The following PRKD1 variants were observed in gnomAD, a reference collection of about 807,000 sequenced individuals.
The protein encoded by PRKD1 is serine/threonine-protein kinase D1.
Under a neutral mutation model 95.9 loss-of-function variants are expected in PRKD1, and 63 were observed. The observed-to-expected ratio is 0.66, with a 90% confidence interval of 0.54 to 0.81. The LOEUF (loss-of-function observed/expected upper bound fraction) is 0.81, where lower values mean the gene tolerates loss of function less well. Among genes scored for constraint, PRKD1 ranks in the 30% least tolerant of loss-of-function variants. PRKD1 has a pLI of 0.00. For missense variants in PRKD1, 1,048 were observed against 1,165.3 expected (o/e 0.90, Z 1.47); for synonymous variants, 425 against 423.1 (o/e 1.00, Z -0.05).
intron 1 of PRKD1, among the ~76,000 whole-genome samples, chr14:29,852,216 T>C (rs560578966): frequency 1.1e-3 from 163 of 152,220 alleles, no homozygotes; most frequent in African/African-American, 3.7e-3. Flanking sequence ...CTGCATATTA[T>C]ACCCCTTGAA....
At chr14:29,917,247 A>C (rs544592421) in intron 1 of PRKD1, among the ~76,000 whole-genome samples, 20 of 152,298 alleles carry the variant, frequency 1.3e-4, no homozygotes, top group African/African-American at 4.6e-4. Flanking sequence ...ATCATCCTGT[A>C]ATTATTATGT....
intron 1 of PRKD1, among the ~76,000 whole-genome samples, chr14:29,762,314 G>A (rs1168646853): frequency 6.6e-6 from 1 of 151,998 alleles, no homozygotes; most frequent in East Asian, 1.9e-4. Flanking sequence ...ATAGACTCTT[G>A]AACTCCACTC....
chr14:29,722,683 T>C (rs1885953611), intron 2 of PRKD1, among the ~76,000 whole-genome samples: 3 of 152,096 alleles, frequency 2.0e-5, no homozygotes, highest in South Asian at 2.1e-4. Flanking sequence ...CAGGTGAAAG[T>C]TGGATCTGCA....
chr14:29,875,418 G>C (rs922440791), intron 1 of PRKD1, among the ~76,000 whole-genome samples: 7 of 152,168 alleles, frequency 4.6e-5, no homozygotes, highest in African/African-American at 1.7e-4. Flanking sequence ...TGTGGACAAA[G>C]ACTAGGAATG....
intron 1 of PRKD1, among the ~76,000 whole-genome samples, chr14:29,813,826 C>G (rs1890587866): frequency 6.6e-6 from 1 of 152,126 alleles, no homozygotes; most frequent in Admixed American, 6.5e-5. Flanking sequence ...ATGTTCATAG[C>G]CAAGATCAAC....
chr14:29,633,232 ACAT>A (rs1480721435), intron 8 of PRKD1, among the ~76,000 whole-genome samples: 2 of 152,160 alleles, frequency 1.3e-5, no homozygotes, highest in Non-Finnish European at 2.9e-5. Flanking sequence ...TAAACAGAAA[ACAT>A]CATTTTTAAG....
rs1164039858 is a variant in PRKD1 at position 29,733,666 on chromosome 14, A to C, written c.265-7992T>G. Among the ~76,000 whole-genome samples the C allele has an allele frequency of 3.3e-5, 5 of 152,042 alleles. 1 individual carries two copies. Among genetic ancestry groups the C allele is most frequent in the Admixed American group, 3.3e-4 (5 of 15,262 alleles). On this transcript the variant is annotated intron_variant, in intron 1 of 17. Transcript: ENST00000331968. Reference sequence around the variant, plus strand: ...GGAAGAACCTTTATAAAATCATTAGATCTCATAAGAACTCACTATCATGAG... The same window carrying C: ...GGAAGAACCTTTATAAAATCATTAGCTCTCATAAGAACTCACTATCATGAG...
chr14:29,922,808 C>T (rs191782036), intron 1 of PRKD1, among the ~76,000 whole-genome samples: 1 of 152,256 alleles, frequency 6.6e-6, no homozygotes, highest in African/African-American at 2.4e-5. Context: ...ATCACATTAG[C>T]CAAGACTTTG....
At chr14:29,860,389 T>C (rs7153757) in intron 1 of PRKD1, among the ~76,000 whole-genome samples, 8 of 152,312 alleles carry the variant, frequency 5.3e-5, no homozygotes, top group African/African-American at 1.7e-4. Context: ...CTCTTCTTAA[T>C]GTAAGGCAAG....
chr14:29,636,524 A>G, intron 6 of PRKD1, 30 bp from the exon 7 acceptor site: 1 of 1,611,650 alleles, frequency 6.2e-7, no homozygotes, highest in Admixed American at 1.7e-5. Context: ...CATGAAGATA[A>G]GCCTGGAATC....
At chr14:29,787,622 T>C (rs868560864) in intron 1 of PRKD1, among the ~76,000 whole-genome samples, 37 of 152,252 alleles carry the variant, frequency 2.4e-4, no homozygotes, top group Admixed American at 1.3e-4. Flanking sequence ...ACTTAAAGGC[T>C]ATTTGGTATA....
At chr14:29,651,938 G>A (rs778312915) in intron 4 of PRKD1, among the ~76,000 whole-genome samples, 22 of 152,032 alleles carry the variant, frequency 1.4e-4, no homozygotes, top group Non-Finnish European at 2.8e-4. Context: ...TAGAGATGGG[G>A]TTTCACCACG....
intron 2 of PRKD1, among the ~76,000 whole-genome samples, chr14:29,676,782 T>C (rs1169224507): frequency 6.6e-6 from 1 of 152,190 alleles, no homozygotes; most frequent in African/African-American, 2.4e-5. Context: ...GAGTAGGACA[T>C]GGACTGTAGA....
chr14:29,748,159 C>T, intron 1 of PRKD1, among the ~76,000 whole-genome samples: 1 of 152,072 alleles, frequency 6.6e-6, no homozygotes, highest in Non-Finnish European at 1.5e-5. Context: ...AATATTTTCC[C>T]AATAGAAAAT....
At chr14:29,740,240 A>G (rs773207246) in intron 1 of PRKD1, among the ~76,000 whole-genome samples, 8 of 152,318 alleles carry the variant, frequency 5.3e-5, no homozygotes, top group African/African-American at 1.2e-4. Context: ...AACTGTCACT[A>G]TAGCACAATG....
intron 4 of PRKD1, among the ~76,000 whole-genome samples, chr14:29,642,533 G>A (rs1416056504): frequency 6.6e-6 from 1 of 152,134 alleles, no homozygotes; most frequent in African/African-American, 2.4e-5. Flanking sequence ...TCATAATGCT[G>A]ACAGAAATAA....
intron 1 of PRKD1, chr14:29,812,117 T>C (rs1047206563): frequency 1.9e-4 from 29 of 152,312 alleles, no homozygotes; most frequent in African/African-American, 6.7e-4. Context: ...CCCATATCGA[T>C]ATCTTAGCTA....
At chr14:29,620,718 A>T (rs1458156344) in intron 13 of PRKD1, among the ~76,000 whole-genome samples, 1 of 152,146 alleles carries the variant, frequency 6.6e-6, no homozygotes, top group Non-Finnish European at 1.5e-5. Flanking sequence ...ACACTTTCAC[A>T]CTGTTGGTGG....
At chr14:29,674,745 T>A (rs1434889260) in intron 2 of PRKD1, among the ~76,000 whole-genome samples, 2 of 152,208 alleles carry the variant, frequency 1.3e-5, no homozygotes, top group Non-Finnish European at 1.5e-5. Context: ...ACCTTTAAAC[T>A]TCTTACAAAA....
Sources: allele counts gnomAD v4.1 joint callset (sites outside exome capture counted in the v4.1 genomes callset), GRCh38; gene constraint gnomAD v4.1.1; transcripts MANE v1.5; gene names NCBI Gene and HGNC (gene_info 2026-07-23, HGNC 2026-07-21).